The following OPRM1 variants were observed in gnomAD, a reference collection of about 807,000 sequenced individuals.
OPRM1 encodes the protein mu-type opioid receptor.
A neutral mutation model predicts 31.8 loss-of-function variants in OPRM1; 27 were observed. The ratio of observed to expected loss-of-function variants is 0.85; its 90% CI spans 0.63 to 1.17. OPRM1 has a LOEUF of 1.17. Ranked by LOEUF, OPRM1 falls within the 50% of genes most tolerant of loss-of-function variation. The pLI, the probability that OPRM1 is intolerant of heterozygous loss-of-function variation, is 0.00. For missense variants in OPRM1, 536 were observed against 511.1 expected (o/e 1.05, Z -0.47); for synonymous variants, 196 against 189.9 (o/e 1.03, Z -0.26).
intron 3 of OPRM1, among the ~76,000 whole-genome samples, chr6:154,204,544 TACCAGAAG>T (rs1777327649): frequency 6.6e-6 from 1 of 152,162 alleles, no homozygotes; most frequent in South Asian, 2.1e-4. Context: ...TCACCCTAAA[TACCAGAAG>T]ACCTTGTAAT....
chr6:154,170,579 G>T (rs1318835391), intron 3 of OPRM1, among the ~76,000 whole-genome samples: 2 of 152,090 alleles, frequency 1.3e-5, no homozygotes, highest in East Asian at 3.8e-4. Flanking sequence ...CTACCAAACC[G>T]TCTCACAAAA....
intron 3 of OPRM1, among the ~76,000 whole-genome samples, chr6:154,141,837 G>A (rs1241505584): frequency 6.7e-6 from 1 of 149,328 alleles, no homozygotes; most frequent in Non-Finnish European, 1.5e-5. Context: ...TGGGAGGCAG[G>A]TTTGCCCTAA....
chr6:154,022,168 G>A (rs1219514213), intron 1 of OPRM1, among the ~76,000 whole-genome samples: 1 of 152,192 alleles, frequency 6.6e-6, no homozygotes, highest in Non-Finnish European at 1.5e-5. Context: ...CTAGTTTGCT[G>A]AGAGTTCTGA....
chr6:154,200,578 T>C (rs1449091728), intron 3 of OPRM1, among the ~76,000 whole-genome samples: 1 of 151,842 alleles, frequency 6.6e-6, no homozygotes, highest in Non-Finnish European at 1.5e-5. Context: ...AAAATTAGCC[T>C]GGCTTGGTGG....
At chr6:154,221,262 C>T in intron 3 of OPRM1, 1 of 1,613,702 alleles carries the variant, frequency 6.2e-7, no homozygotes, top group Non-Finnish European at 8.5e-7. Context: ...CTTACACGTT[C>T]ATTTCCTGCA....
intron 3 of OPRM1, among the ~76,000 whole-genome samples, chr6:154,232,656 C>T (rs1240241387): frequency 6.6e-6 from 1 of 152,078 alleles, no homozygotes; most frequent in East Asian, 1.9e-4. Flanking sequence ...GCAGTCAACA[C>T]ATGGCACAGA....
intron 1 of OPRM1, among the ~76,000 whole-genome samples, chr6:154,078,728 G>T (rs1788402565): frequency 6.6e-6 from 1 of 151,874 alleles, no homozygotes; most frequent in Non-Finnish European, 1.5e-5. Flanking sequence ...AAATACAAAA[G>T]ATTAGCCAGG....
intron 1 of OPRM1, among the ~76,000 whole-genome samples, chr6:154,071,975 G>A (rs1336428882): frequency 6.6e-6 from 1 of 152,178 alleles, no homozygotes; most frequent in East Asian, 1.9e-4. Context: ...GTTCCACAGA[G>A]GAATACCACA....
intron 3 of OPRM1, among the ~76,000 whole-genome samples, chr6:154,205,090 G>C (rs773824907): frequency 6.6e-6 from 1 of 152,152 alleles, no homozygotes; most frequent in Non-Finnish European, 1.5e-5. Flanking sequence ...AGAGCAGACA[G>C]AGCAGTATCC....
intron 3 of OPRM1, among the ~76,000 whole-genome samples, chr6:154,176,381 T>C (rs907490882): frequency 6.6e-6 from 1 of 152,348 alleles, no homozygotes; most frequent in African/African-American, 2.4e-5. Flanking sequence ...GGAGGTCAAA[T>C]TGTCTTTGTT....
intron 3 of OPRM1, among the ~76,000 whole-genome samples, chr6:154,152,366 A>AAAG (rs1798553213): frequency 1.3e-5 from 2 of 148,958 alleles, no homozygotes; most frequent in African/African-American, 5.1e-5. Flanking sequence ...GAAAGAAAGA[A>AAAG]AGAAAGAAAG....
intron 3 of OPRM1, among the ~76,000 whole-genome samples, chr6:154,114,018 A>C (rs1796606630): frequency 6.6e-6 from 1 of 152,232 alleles, no homozygotes; most frequent in African/African-American, 2.4e-5. Flanking sequence ...CCTGGAGTTG[A>C]AAAGGGCCCC....
intron 3 of OPRM1, among the ~76,000 whole-genome samples, chr6:154,098,543 G>A (rs115597216): frequency 0.016 from 2,463 of 152,144 alleles, 61 homozygotes; most frequent in African/African-American, 0.057. Context: ...ACAACACCAC[G>A]TTTATTTTTA....
chr6:154,083,943 CAAAAAA>C (rs57976654), intron 1 of OPRM1, among the ~76,000 whole-genome samples: 26 of 35,148 alleles, frequency 7.4e-4, no homozygotes, highest in South Asian at 2.8e-3. Flanking sequence ...GACTCCGTCT[CAAAAAA>C]AAAAAAAAAA....
intron 3 of OPRM1, among the ~76,000 whole-genome samples, chr6:154,224,499 G>A (rs1779101678): frequency 6.6e-6 from 1 of 152,096 alleles, no homozygotes; most frequent in Non-Finnish European, 1.5e-5. Context: ...CTTGCGGTGA[G>A]GTGTTCACGT....
At chr6:154,136,869 CA>C (rs1798073620), downstream of OPRM1, among the ~76,000 whole-genome samples, 1 of 151,906 alleles carries the variant, frequency 6.6e-6, no homozygotes, top group Non-Finnish European at 1.5e-5. Flanking sequence ...ACCTACTTGT[CA>C]AAAAAACATT....
intron 3 of OPRM1, among the ~76,000 whole-genome samples, chr6:154,204,152 A>G (rs1383081920): frequency 6.6e-6 from 1 of 152,228 alleles, no homozygotes; most frequent in Non-Finnish European, 1.5e-5. Context: ...AAAGATTAAT[A>G]CTGATTTTTC....
rs115896414 is a variant in OPRM1 at position 154,224,868 on chromosome 6, T to A, written c.1165-21825T>A. ...TATGCAGCTTCTCTCTTGACAGCCTTCTTAATTACTGGATGCTGATTCTCG... is the reference window on the plus strand; with the variant it reads ...TATGCAGCTTCTCTCTTGACAGCCTACTTAATTACTGGATGCTGATTCTCG... On this transcript the variant is annotated intron_variant, in intron 3 of 3. Transcript: ENST00000337049. Among the ~76,000 whole-genome samples the A allele has an allele frequency of 4.7e-3, 709 of 152,312 alleles. 7 individuals are homozygous for A. Among genetic ancestry groups the A allele is most frequent in the African/African-American group, 0.017 (686 of 41,564 alleles).
intron 3 of OPRM1, among the ~76,000 whole-genome samples, chr6:154,151,778 G>A (rs1349783793): frequency 6.6e-6 from 1 of 152,150 alleles, no homozygotes; most frequent in African/African-American, 2.4e-5. Context: ...CTGGGTTGAT[G>A]TTGTGTTTAT....
Sources: gnomAD v4.1 joint callset for allele counts (sites outside exome capture counted in the v4.1 genomes callset) on GRCh38, gnomAD v4.1.1 for gene constraint, MANE v1.5 for transcripts, NCBI Gene and HGNC (gene_info 2026-07-23, HGNC 2026-07-21) for gene names.